Variants in WDR37 observed in about 807,000 individuals in gnomAD.
WDR37 encodes the protein WD repeat domain 37, also known as WD repeat-containing protein 37.
Under a neutral mutation model 62.9 loss-of-function variants are expected in WDR37, and 19 were observed. The ratio of observed to expected loss-of-function variants is 0.30; its 90% CI spans 0.21 to 0.44. The LOEUF is 0.44. Among genes scored for constraint, WDR37 ranks in the 20% least tolerant of loss-of-function variants. WDR37 has a pLI of 1.00. For synonymous variants in WDR37, 250 were observed against 260.9 expected (o/e 0.96, Z 0.40); for missense variants, 474 against 657.6 (o/e 0.72, Z 3.05).
chr10:1,110,933 C>A (rs1408091354), intron 11 of WDR37, among the ~76,000 whole-genome samples: 2 of 152,236 alleles, frequency 1.3e-5, no homozygotes, highest in African/African-American at 4.8e-5. Context: ...AGTAGCTCTG[C>A]CGGTTTTACA....
In WDR37 at chr10:1,130,447, A is replaced by G. The variant is rs2131704398; in HGVS notation, c.*1103A>G. 6.5e-6 allele frequency: 1 copy of G among 152,770 alleles called. No individual in the cohort carries two copies. The highest frequency in any genetic ancestry group is 1.5e-5 in the Non-Finnish European group (1 of 68,036). The allele number at this position is 152,770 out of a possible 1,614,324, so 9.5% of individuals were successfully genotyped here. On this transcript the variant is annotated 3_prime_UTR_variant, in exon 14 of 14. Coordinates refer to ENST00000263150, the MANE Select transcript of WDR37 (RefSeq NM_014023.4). ...AGCCAGCAGGCCCCGGTGACGAGAC[A>G]CTTCCAGGTCTTGTGGTGGGGACGC...
At chr10:1,128,905 G>A (rs961894173) in intron 13 of WDR37, among the ~76,000 whole-genome samples, 1 of 149,974 alleles carries the variant, frequency 6.7e-6, no homozygotes. Context: ...GTCCATGCTT[G>A]GTGGTCCATG....
intron 1 of WDR37, among the ~76,000 whole-genome samples, chr10:1,057,561 TC>T (rs1168986686): frequency 6.6e-6 from 1 of 152,168 alleles, no homozygotes; most frequent in Non-Finnish European, 1.5e-5. Flanking sequence ...TTTGAAGACT[TC>T]CTTTTCCTTC....
At chr10:1,091,847 AG>A (rs1336616897) in intron 7 of WDR37, among the ~76,000 whole-genome samples, 1 of 152,214 alleles carries the variant, frequency 6.6e-6, no homozygotes, top group African/African-American at 2.4e-5. Flanking sequence ...GACAGGAGCA[AG>A]GGGGAAGGTG....
At chr10:1,077,781 A>G (rs1225399287) in intron 2 of WDR37, 126 bp from the exon 3 acceptor site, 4 of 717,068 alleles carry the variant, frequency 5.6e-6, no homozygotes, top group Admixed American at 6.7e-5. Context: ...AGCATTTTAT[A>G]TATAAAAATA....
chr10:1,091,096 G>A (rs1319137341), intron 7 of WDR37, among the ~76,000 whole-genome samples: 2 of 152,346 alleles, frequency 1.3e-5, no homozygotes, highest in African/African-American at 4.8e-5. Flanking sequence ...ACTATTTTGA[G>A]TGGGTGAGCA....
At chr10:1,091,747 G>C (rs994718488) in intron 7 of WDR37, among the ~76,000 whole-genome samples, 1 of 152,210 alleles carries the variant, frequency 6.6e-6, no homozygotes, top group Non-Finnish European at 1.5e-5. Context: ...GGTCAGGCCT[G>C]TGGAGCCGGG....
At chr10:1,118,440 T>C (rs532717686) in intron 11 of WDR37, among the ~76,000 whole-genome samples, 2 of 149,214 alleles carry the variant, frequency 1.3e-5, no homozygotes, top group African/African-American at 5.0e-5. Flanking sequence ...CTGCGTGCAC[T>C]CAGCCACCCT....
At chr10:1,080,294 G>A in intron 4 of WDR37, 118 bp from the exon 5 acceptor site, 3 of 1,367,484 alleles carry the variant, frequency 2.2e-6, no homozygotes, top group Non-Finnish European at 2.0e-6. Context: ...TGTGTCACTA[G>A]GGTCAAACGA....
intron 10 of WDR37, among the ~76,000 whole-genome samples, chr10:1,104,479 C>T (rs1314283507): frequency 3.3e-5 from 5 of 152,220 alleles, no homozygotes; most frequent in African/African-American, 9.6e-5. Context: ...CTTCTGGGAC[C>T]CTTTTTAAGG....
At chr10:1,074,446 C>G in intron 2 of WDR37, 1 of 1,304,388 alleles carries the variant, frequency 7.7e-7, no homozygotes, top group Non-Finnish European at 1.0e-6. Context: ...CACGCTCGCT[C>G]CCTAGACGGA....
intron 1 of WDR37, among the ~76,000 whole-genome samples, chr10:1,057,691 A>G (rs553507951): frequency 2.6e-5 from 4 of 152,304 alleles, no homozygotes; most frequent in Admixed American, 2.0e-4. Context: ...GAATAAATAC[A>G]TTTTTCCAGG....
intron 10 of WDR37, 126 bp from the exon 11 acceptor site, chr10:1,105,000 G>A: frequency 8.5e-7 from 1 of 1,176,724 alleles, no homozygotes; most frequent in Non-Finnish European, 1.2e-6. Context: ...ATGCTGCTGA[G>A]TGATTCCATT....
chr10:1,094,867 G>T (rs1249938443), intron 8 of WDR37, among the ~76,000 whole-genome samples: 1 of 151,820 alleles, frequency 6.6e-6, no homozygotes, highest in African/African-American at 2.4e-5. Context: ...GAGATAATGG[G>T]GATAGAGAGG....
chr10:1,075,356 T>C (rs947112423), intron 2 of WDR37, among the ~76,000 whole-genome samples: 1 of 151,720 alleles, frequency 6.6e-6, no homozygotes, highest in Non-Finnish European at 1.5e-5. Flanking sequence ...TAGGTATACA[T>C]GTGCCAAGGT....
chr10:1,096,148 T>C, intron 8 of WDR37, 22 bp from the exon 9 acceptor site: 1 of 1,613,812 alleles, frequency 6.2e-7, no homozygotes, highest in East Asian at 2.2e-5. Context: ...CTTGGGTAAT[T>C]TTCCCCGATT....
At chr10:1,072,400 C>T (rs752186116) in intron 2 of WDR37, 107 bp downstream of exon 2, 21 of 1,459,274 alleles carry the variant, frequency 1.4e-5, no homozygotes, top group Admixed American at 7.7e-5. Flanking sequence ...TCACAACCTC[C>T]ACCTCCTGGG....
At chr10:1,098,577 G>A (rs1446145423) in intron 9 of WDR37, among the ~76,000 whole-genome samples, 1 of 152,038 alleles carries the variant, frequency 6.6e-6, no homozygotes. Flanking sequence ...CGCCCTCCTC[G>A]GCCTCCCAAA....
intron 1 of WDR37, among the ~76,000 whole-genome samples, chr10:1,069,392 T>A (rs869091582): frequency 0.31 from 17,866 of 56,854 alleles, 1,796 homozygotes; most frequent in Non-Finnish European, 0.37. Flanking sequence ...TATATATATT[T>A]TTTTTTTTTT....
Sources: gnomAD v4.1 joint callset for allele counts (sites outside exome capture counted in the v4.1 genomes callset) on GRCh38, gnomAD v4.1.1 for gene constraint, MANE v1.5 for transcripts, NCBI Gene and HGNC (gene_info 2026-07-23, HGNC 2026-07-21) for gene names.